RPH3A: variants seen among roughly 807,000 people sequenced by gnomAD.
RPH3A encodes rabphilin 3A, also known as rabphilin-3A.
In RPH3A, 48 loss-of-function variants were observed where a neutral mutation model predicts 102.2. The ratio of observed to expected loss-of-function variants is 0.47; its 90% confidence interval spans 0.37 to 0.60. The LOEUF is 0.60. RPH3A is among the 20% of genes least tolerant of loss of function. The pLI is 0.00. For missense variants in RPH3A, 781 were observed against 910.1 expected (o/e 0.86, Z 1.83); for synonymous variants, 310 against 324.3 (o/e 0.96, Z 0.47).
At chr12:112,834,221 C>T (rs1270551948) in intron 3 of RPH3A, among the ~76,000 whole-genome samples, 2 of 152,150 alleles carry the variant, frequency 1.3e-5, no homozygotes, top group Non-Finnish European at 2.9e-5. Flanking sequence ...TGGAATCATC[C>T]AGTGTGTACC....
chr12:112,648,951 T>C (rs2039954694), intron 1 of RPH3A, among the ~76,000 whole-genome samples: 1 of 152,056 alleles, frequency 6.6e-6, no homozygotes, highest in Admixed American at 6.5e-5. Flanking sequence ...TCCAAGTAAC[T>C]GGGATTACAG....
At chr12:112,756,031 A>G (rs2040820906) in intron 1 of RPH3A, among the ~76,000 whole-genome samples, 2 of 152,220 alleles carry the variant, frequency 1.3e-5, no homozygotes, top group South Asian at 4.1e-4. Flanking sequence ...ATAAGTGCGA[A>G]GAAATATGGG....
At chr12:112,644,989 A>G (rs1026459392) in intron 1 of RPH3A, among the ~76,000 whole-genome samples, 2 of 152,226 alleles carry the variant, frequency 1.3e-5, no homozygotes, top group African/African-American at 4.8e-5. Flanking sequence ...CCTGAAGCAA[A>G]AGACTCCCAG....
intron 1 of RPH3A, among the ~76,000 whole-genome samples, chr12:112,734,331 A>C (rs144283432): frequency 6.6e-6 from 1 of 152,232 alleles, no homozygotes; most frequent in Non-Finnish European, 1.5e-5. Flanking sequence ...GTAGTCAGCT[A>C]TACCTCTAGG....
chr12:112,605,646 T>G (rs1333507367), intron 1 of RPH3A, among the ~76,000 whole-genome samples: 1 of 152,156 alleles, frequency 6.6e-6, no homozygotes, highest in African/African-American at 2.4e-5. Context: ...TTATTTAGAG[T>G]TCCTCTCAGC....
intron 1 of RPH3A, among the ~76,000 whole-genome samples, chr12:112,579,064 AC>A (rs1222833801): frequency 1.3e-5 from 2 of 152,182 alleles, no homozygotes; most frequent in African/African-American, 2.4e-5. Context: ...TACAGCACAT[AC>A]TTTTTTTGTA....
chr12:112,847,629 G>A, intron 4 of RPH3A, 67 bp from the exon 5 acceptor site: 1 of 1,545,814 alleles, frequency 6.5e-7, no homozygotes, highest in Non-Finnish European at 8.8e-7. Flanking sequence ...CAGACAGTGA[G>A]TTTCCCGGCA....
chr12:112,734,840 G>A (rs1205597592), intron 1 of RPH3A, among the ~76,000 whole-genome samples: 1 of 152,180 alleles, frequency 6.6e-6, no homozygotes, highest in Non-Finnish European at 1.5e-5. Context: ...AGTGTATAAT[G>A]AACAGTGAGG....
intron 1 of RPH3A, among the ~76,000 whole-genome samples, chr12:112,687,862 C>T (rs1056022787): frequency 6.6e-6 from 1 of 152,202 alleles, no homozygotes; most frequent in South Asian, 2.1e-4. Flanking sequence ...TCCAAAGGCC[C>T]ACCCCATTTC....
At position 112,883,310 on chromosome 12, in the gene RPH3A, A is replaced by C. The variant is rs774259701; in HGVS notation, c.1344A>C (p.Thr448=). The C allele has an allele frequency of 1.6e-5, 26 of 1,613,846 alleles. No homozygotes were observed. The highest frequency in any genetic ancestry group is 8.5e-7 in the Non-Finnish European group (1 of 1,179,880). Residue 448 remains threonine (T), a synonymous_variant, in exon 16 of 22, where the codon ACA becomes ACC. Transcript: ENST00000389385. ...PGASKSNKLR[T]KTLRNTRNPI... The stretch of plus-strand genomic sequence containing the variant: ...GGCTCTAGTCCAACAAGCTTCGTAC[A>C]AAAACTCTGCGGAATACCCGGAACC...
In RPH3A at chr12:112,678,295, A is replaced by AGAGAGAGAGAGAGAGAG. The variant is rs1566255284; in HGVS notation, c.-140+102976_-140+102977insGAGAGAGAGAGAGAGAG. ...AAAGAAAGAAAGAAAGAAAGAAAGAAAGAAAGAAAGAGAGAGAGAGAGAAA... is the reference window on the plus strand; with the variant it reads ...AAAGAAAGAAAGAAAGAAAGAAAGAAGAGAGAGAGAGAGAGAGAGAAAGAAAGAGAGAGAGAGAGAAA... On this transcript the variant is annotated intron_variant, in intron 1 of 21. Transcript: ENST00000543106. Among the ~76,000 whole-genome samples the AGAGAGAGAGAGAGAGAG allele has an allele frequency of 2.3e-4, 8 of 34,840 alleles. 2 individuals carry two copies. Among genetic ancestry groups the AGAGAGAGAGAGAGAGAG allele is most frequent in the East Asian group, 1.0e-3 (1 of 978 alleles). The allele number at this position is 34,840 out of a possible 152,430, so 22.9% of individuals were successfully genotyped here.
At position 112,779,688 on chromosome 12, in the gene RPH3A, C is replaced by T. The variant is rs112513493; in HGVS notation, c.-139-12455C>T. ...AGACTCACACTCTGACCACCATCTC[C>T]ATACCCATCACACCTCCACTGTATG... On this transcript the variant is annotated intron_variant, in intron 1 of 21. Coordinates refer to the RPH3A transcript ENST00000543106. 2.0e-3 allele frequency among the ~76,000 whole-genome samples: 300 copies of T among 152,250 alleles called. 1 individual carries two copies. The highest frequency in any genetic ancestry group is 6.6e-3 in the African/African-American group (274 of 41,526).
intron 2 of RPH3A, among the ~76,000 whole-genome samples, chr12:112,798,042 G>A (rs948204859): frequency 1.3e-5 from 2 of 152,182 alleles, no homozygotes; most frequent in African/African-American, 4.8e-5. Flanking sequence ...AGGAAAAGAG[G>A]GAAGGCAGCA....
At chr12:112,609,095 CA>C (rs1236935067) in intron 1 of RPH3A, among the ~76,000 whole-genome samples, 3 of 152,158 alleles carry the variant, frequency 2.0e-5, no homozygotes, top group Non-Finnish European at 4.4e-5. Context: ...CCATCTTCCC[CA>C]AATCCTCACA....
chr12:112,864,895 G>A (rs1001311965), intron 5 of RPH3A, among the ~76,000 whole-genome samples: 2 of 152,120 alleles, frequency 1.3e-5, no homozygotes, highest in African/African-American at 2.4e-5. Context: ...GAGAGGAGGG[G>A]GTCAAGGAAG....
At chr12:112,659,631 T>A (rs746177881) in intron 1 of RPH3A, among the ~76,000 whole-genome samples, 3 of 152,224 alleles carry the variant, frequency 2.0e-5, no homozygotes, top group Non-Finnish European at 2.9e-5. Flanking sequence ...ATAATTGGTA[T>A]CTATTTTGTG....
chr12:112,866,412 T>G (rs1187139736), intron 6 of RPH3A, among the ~76,000 whole-genome samples: 1 of 152,156 alleles, frequency 6.6e-6, no homozygotes, highest in Admixed American at 6.5e-5. Flanking sequence ...AGGTCCGTTT[T>G]GGAAATAAAG....
At chr12:112,888,732 A>G (rs2043044203) in intron 17 of RPH3A, among the ~76,000 whole-genome samples, 1 of 152,234 alleles carries the variant, frequency 6.6e-6, no homozygotes, top group African/African-American at 2.4e-5. Flanking sequence ...GATCAAAGTG[A>G]GGTTCTGCAA....
chr12:112,687,234 TA>T (rs2040272178), intron 1 of RPH3A, among the ~76,000 whole-genome samples: 2 of 152,218 alleles, frequency 1.3e-5, no homozygotes, highest in South Asian at 4.1e-4. Context: ...CAGTTGCTGG[TA>T]TTGGTTCAGC....
Sources: allele counts gnomAD v4.1 joint callset (sites outside exome capture counted in the v4.1 genomes callset), GRCh38; gene constraint gnomAD v4.1.1; transcripts MANE v1.5; gene names NCBI Gene and HGNC (gene_info 2026-07-23, HGNC 2026-07-21).